Variants in GUCY1A2 observed in about 807,000 individuals in gnomAD.
GUCY1A2 encodes guanylate cyclase soluble subunit alpha-2.
GUCY1A2 carries 27 observed loss-of-function variants against 63.5 expected under a neutral mutation model. The ratio of observed to expected loss-of-function variants is 0.43; its 90% CI spans 0.31 to 0.59. GUCY1A2 has a LOEUF of 0.59. GUCY1A2 is among the 20% of genes least tolerant of loss of function. The pLI is 0.11. For missense variants in GUCY1A2, 768 were observed against 913.3 expected, an observed-to-expected ratio of 0.84 and a Z score of 2.05; for synonymous variants, 364 against 343.5, an observed-to-expected ratio of 1.06 and a Z score of -0.66.
At chr11:106,993,139 A>AGT (rs1228441309) in intron 1 of GUCY1A2, among the ~76,000 whole-genome samples, 1 of 152,216 alleles carries the variant, frequency 6.6e-6, no homozygotes. Context: ...AATCTTTAAG[A>AGT]GTTTAATTTT....
In GUCY1A2 at chr11:106,810,337, G is replaced by A. The variant is rs1320238053; in HGVS notation, c.1348C>T (p.Arg450Ter). ...LSDIPIHDAT[R>*]DVILVGEQAK... ...TGCTCACCAACCAAAATGACATCTC[G>A]GGTGGCATCATGGATAGGGATGTCT... Residue 450 changes from arginine (R) to a stop codon, truncating the protein, a stop_gained, in exon 5 of 8, where the codon CGA becomes TGA. Transcript: ENST00000526355. LOFTEE classifies it high-confidence loss of function. 4 of 1,613,750 alleles carry A rather than the reference G, an allele frequency of 2.5e-6. No individual in the cohort carries two copies. The highest frequency in any genetic ancestry group is 1.7e-5 in the Admixed American group (1 of 59,912).
intron 5 of GUCY1A2, among the ~76,000 whole-genome samples, chr11:106,790,747 C>A (rs1409517763): frequency 6.6e-6 from 1 of 152,092 alleles, no homozygotes; most frequent in Non-Finnish European, 1.5e-5. Context: ...AGTAGGTTCC[C>A]CTTGTGGCCC....
intron 4 of GUCY1A2, among the ~76,000 whole-genome samples, chr11:106,923,971 A>C (rs544709511): frequency 6.6e-6 from 1 of 152,320 alleles, no homozygotes; most frequent in Admixed American, 6.5e-5. Context: ...ATAAACCAAA[A>C]TTATAAGAAT....
In GUCY1A2 at chr11:106,944,215, CAAAA is replaced by C. The variant is rs71041701; in HGVS notation, c.488-4041_488-4038del. ...GGGCAACAGAGTGAGACCCTGTCTCCAAAAAAAAAAAAAAAAAAAAAGCAGGTGG... is the reference window on the plus strand; with the variant it reads ...GGGCAACAGAGTGAGACCCTGTCTCCAAAAAAAAAAAAAAAAAGCAGGTGG... On this transcript the variant is annotated intron_variant, in intron 3 of 7. Coordinates refer to ENST00000526355, the MANE Select transcript of GUCY1A2 (RefSeq NM_000855.3). Among the ~76,000 whole-genome samples the C allele has an allele frequency of 2.0e-3, 43 of 21,580 alleles. 4 individuals are homozygous for C. Among genetic ancestry groups the C allele is most frequent in the East Asian group, 3.5e-3 (2 of 566 alleles). The allele number at this position is 21,580 out of a possible 152,430, so 14.2% of individuals were successfully genotyped here.
chr11:106,781,591 C>T (rs1864464814), intron 5 of GUCY1A2, among the ~76,000 whole-genome samples: 1 of 152,060 alleles, frequency 6.6e-6, no homozygotes, highest in Non-Finnish European at 1.5e-5. Flanking sequence ...AAGACAGGGT[C>T]TCACTCTGCC....
chr11:106,827,975 G>T (rs765944344), intron 4 of GUCY1A2: 1 of 804,652 alleles, frequency 1.2e-6, no homozygotes, highest in Admixed American at 2.0e-5. Flanking sequence ...CCGCGAGGCG[G>T]TCACTTCCGG....
intron 4 of GUCY1A2, among the ~76,000 whole-genome samples, chr11:106,932,785 T>C (rs554897394): frequency 1.3e-5 from 2 of 152,036 alleles, no homozygotes; most frequent in Admixed American, 6.6e-5. Context: ...CATAAACCAG[T>C]GGAACAGAAT....
intron 6 of GUCY1A2, among the ~76,000 whole-genome samples, chr11:106,719,128 T>C (rs1335176900): frequency 6.6e-6 from 1 of 152,166 alleles, no homozygotes; most frequent in African/African-American, 2.4e-5. Flanking sequence ...TGTTAGTGGC[T>C]TCATTTTTAA....
chr11:106,725,621 G>A (rs1863394807), intron 6 of GUCY1A2, among the ~76,000 whole-genome samples: 1 of 152,088 alleles, frequency 6.6e-6, no homozygotes, highest in South Asian at 2.1e-4. Flanking sequence ...AGCCATGGTA[G>A]AGTATCATGT....
chr11:106,769,851 T>A (rs181232468), intron 6 of GUCY1A2, among the ~76,000 whole-genome samples: 8 of 152,020 alleles, frequency 5.3e-5, no homozygotes, highest in African/African-American at 1.9e-4. Flanking sequence ...CCCTTAGGTT[T>A]TTCTCCTTAT....
chr11:106,712,927 C>A (rs1052261450), intron 6 of GUCY1A2, among the ~76,000 whole-genome samples: 1 of 152,162 alleles, frequency 6.6e-6, no homozygotes, highest in Non-Finnish European at 1.5e-5. Context: ...CTAATCACTA[C>A]CCTGCAGAAT....
chr11:106,798,327 C>T (rs1421981056), intron 5 of GUCY1A2, among the ~76,000 whole-genome samples: 1 of 152,098 alleles, frequency 6.6e-6, no homozygotes, highest in African/African-American at 2.4e-5. Flanking sequence ...CCGAATTCTA[C>T]CAGAGGTACA....
At position 106,918,242 on chromosome 11, in the gene GUCY1A2, C is replaced by G. The variant is rs1591327108; in HGVS notation, c.1206+21218G>C. ...AGATTTACTTGCAACCACCTGTGTT[C>G]TCTCCTTGAAAAAAAATTGTGGTAA... On this transcript the variant is annotated intron_variant, in intron 4 of 7. Coordinates refer to ENST00000526355, the MANE Select transcript of GUCY1A2 (RefSeq NM_000855.3). Among the ~76,000 whole-genome samples, 8 of 143,404 alleles carry G rather than the reference C, an allele frequency of 5.6e-5. 2 individuals carry two copies. The South Asian group carries it at 1.8e-3, about 31-fold the overall frequency. The allele number at this position is 143,404 out of a possible 152,430, so 94.1% of individuals were successfully genotyped here.
At chr11:106,726,364 C>T (rs922888082) in intron 6 of GUCY1A2, among the ~76,000 whole-genome samples, 11 of 151,862 alleles carry the variant, frequency 7.2e-5, no homozygotes, top group Admixed American at 1.3e-4. Flanking sequence ...TGCAGTGAGC[C>T]GAGACCGGGC....
chr11:106,981,014 T>C (rs1046665505), intron 2 of GUCY1A2, among the ~76,000 whole-genome samples: 1 of 152,194 alleles, frequency 6.6e-6, no homozygotes, highest in Non-Finnish European at 1.5e-5. Context: ...ATTTTTAGGA[T>C]TAAATAAAAG....
At chr11:106,813,656 GGAA>G (rs1858793849) in intron 4 of GUCY1A2, among the ~76,000 whole-genome samples, 1 of 151,994 alleles carries the variant, frequency 6.6e-6, no homozygotes, top group Admixed American at 6.6e-5. Context: ...AGAAGGATTT[GGAA>G]GAAGTCAGGT....
At chr11:106,873,676 T>C (rs1194495296) in intron 4 of GUCY1A2, among the ~76,000 whole-genome samples, 1 of 152,198 alleles carries the variant, frequency 6.6e-6, no homozygotes, top group Non-Finnish European at 1.5e-5. Flanking sequence ...TAGACCTTTG[T>C]CAGATGGGTA....
At chr11:106,806,294 G>A (rs1199240354) in intron 5 of GUCY1A2, among the ~76,000 whole-genome samples, 1 of 152,066 alleles carries the variant, frequency 6.6e-6, no homozygotes, top group African/African-American at 2.4e-5. Flanking sequence ...TTATTTTATG[G>A]GGTATAGAAC....
At chr11:106,959,210 T>A (rs991046147) in intron 3 of GUCY1A2, among the ~76,000 whole-genome samples, 1 of 152,170 alleles carries the variant, frequency 6.6e-6, no homozygotes, top group Admixed American at 6.5e-5. Context: ...CCTGAAAGAA[T>A]TTTTTTAATG....
Sources: gnomAD v4.1 joint callset for allele counts (sites outside exome capture counted in the v4.1 genomes callset) on GRCh38, gnomAD v4.1.1 for gene constraint, MANE v1.5 for transcripts, NCBI Gene and HGNC (gene_info 2026-07-23, HGNC 2026-07-21) for gene names.